Variants in ADORA2B observed in about 807,000 individuals in gnomAD.
ADORA2B encodes adenosine A2b receptor.
A neutral mutation model predicts 20.8 loss-of-function variants in ADORA2B; 18 were observed. That is an observed-to-expected ratio of 0.87 (90% CI 0.60 to 1.29). The LOEUF (loss-of-function observed/expected upper bound fraction) is 1.29, where lower values mean the gene tolerates loss of function less well. Ranked by LOEUF, ADORA2B falls within the 50% of genes most tolerant of loss-of-function variation. The pLI is 0.00. For synonymous variants in ADORA2B, 179 were observed against 178.3 expected (o/e 1.00, Z -0.03); for missense variants, 441 against 422.7 (o/e 1.04, Z -0.38).
At chr17:15,858,009 G>T in the ADORA2B span, among the ~76,000 whole-genome samples, 7 of 141,332 alleles carry the variant, frequency 5.0e-5, no homozygotes, top group African/African-American at 1.8e-4. Context: ...CATTCATCTG[G>T]TGGTGGACAC....
At chr17:15,944,520 C>T (rs998400744), upstream of ADORA2B, among the ~76,000 whole-genome samples, 7 of 152,116 alleles carry the variant, frequency 4.6e-5, no homozygotes, top group African/African-American at 1.7e-4. The surrounding 1 kb of genome is among the most constrained non-coding windows in gnomAD (Gnocchi z 4.8). Flanking sequence ...GGGGCAGTGG[C>T]GCGGGCGAGG....
the ADORA2B span, among the ~76,000 whole-genome samples, chr17:15,928,665 C>G: frequency 1.3e-5 from 2 of 152,156 alleles, no homozygotes; most frequent in Non-Finnish European, 2.9e-5. Context: ...AGTGACAAGT[C>G]TCAGCCTTGG....
In ADORA2B at chr17:15,975,455, T is replaced by C; in HGVS notation, c.*113T>C. ...ACCTCACAAGGAAATGGACTGCCTC[T>C]CTTGAGCACTTCCCTGGAGCTACCA... On this transcript the variant is annotated 3_prime_UTR_variant, in exon 2 of 2. Coordinates refer to ENST00000304222, the MANE Select transcript of ADORA2B (RefSeq NM_000676.4). 1 of 1,104,074 alleles carries C rather than the reference T, an allele frequency of 9.1e-7. No homozygotes were observed. Among genetic ancestry groups the C allele is most frequent in the Non-Finnish European group, 1.3e-6 (1 of 774,536 alleles). 68.4% of individuals were successfully genotyped at this position (1,104,074 alleles called of 1,614,324 possible).
chr17:15,936,499 T>A, the ADORA2B span, among the ~76,000 whole-genome samples: 2 of 151,938 alleles, frequency 1.3e-5, no homozygotes, highest in Non-Finnish European at 2.9e-5. Flanking sequence ...TGTATTTTTT[T>A]AGTAAAGACA....
chr17:15,871,365 A>G, the ADORA2B span, among the ~76,000 whole-genome samples: 1 of 152,176 alleles, frequency 6.6e-6, no homozygotes, highest in Admixed American at 6.5e-5. Context: ...AAACTGAGTA[A>G]GATCACCTTA....
chr17:15,880,640 T>C, the ADORA2B span, among the ~76,000 whole-genome samples: 46,015 of 146,042 alleles, frequency 0.32, 8,040 homozygotes, highest in African/African-American at 0.45. Context: ...GTGAGGGCGG[T>C]GAGAAACCAG....
chr17:15,898,798 A>T, the ADORA2B span, among the ~76,000 whole-genome samples: 1 of 152,212 alleles, frequency 6.6e-6, no homozygotes, highest in African/African-American at 2.4e-5. Context: ...GTCTGTGAGG[A>T]GCTGCTGACA....
the ADORA2B span, among the ~76,000 whole-genome samples, chr17:15,869,502 T>C: frequency 0.92 from 139,469 of 152,120 alleles, 63,950 homozygotes; most frequent in Middle Eastern, 0.97. Context: ...TTATGACCTA[T>C]AATTTGGAGG....
the ADORA2B span, among the ~76,000 whole-genome samples, chr17:15,879,439 T>G: frequency 6.6e-6 from 1 of 151,674 alleles, no homozygotes; most frequent in South Asian, 2.1e-4. Flanking sequence ...GGCAACAGAG[T>G]GAGTCCCTGA....
the ADORA2B span, among the ~76,000 whole-genome samples, chr17:15,938,447 C>G: frequency 6.6e-5 from 10 of 151,906 alleles, no homozygotes; most frequent in Non-Finnish European, 1.2e-4. Flanking sequence ...GGACTACAGG[C>G]GCCCGCCACC....
chr17:15,921,016 T>C, the ADORA2B span, among the ~76,000 whole-genome samples: 1 of 152,220 alleles, frequency 6.6e-6, no homozygotes, highest in African/African-American at 2.4e-5. Context: ...AAACCAATGT[T>C]TGAGTCCAAG....
chr17:15,974,372 CCCA>C (rs1210566827), intron 1 of ADORA2B: 3 of 282,072 alleles, frequency 1.1e-5, no homozygotes, highest in Non-Finnish European at 1.3e-5. Context: ...AGTTTGAGAA[CCCA>C]CCGAGGACAT....
At chr17:15,862,503 G>T in the ADORA2B span, among the ~76,000 whole-genome samples, 16 of 152,158 alleles carry the variant, frequency 1.1e-4, no homozygotes, top group African/African-American at 3.6e-4. Context: ...GAGCCTCCAT[G>T]CCTGGCCAAC....
chr17:15,922,507 TG>T, the ADORA2B span, among the ~76,000 whole-genome samples: 3 of 152,162 alleles, frequency 2.0e-5, no homozygotes, highest in Admixed American at 6.5e-5. Flanking sequence ...CCATCCAGAT[TG>T]GGACATTTTC....
chr17:15,864,950 A>C, the ADORA2B span, among the ~76,000 whole-genome samples: 10,038 of 151,078 alleles, frequency 0.066, 412 homozygotes, highest in Non-Finnish European at 0.091. Flanking sequence ...GTGGGAATGC[A>C]TGAAAGAATG....
the ADORA2B span, among the ~76,000 whole-genome samples, chr17:15,900,570 C>A: frequency 1.6e-4 from 25 of 151,794 alleles, no homozygotes; most frequent in Non-Finnish European, 5.9e-5. Context: ...CCTCAGCCTC[C>A]CAAGTAGCTA....
chr17:15,887,800 AATT>A, the ADORA2B span, among the ~76,000 whole-genome samples: 1 of 123,514 alleles, frequency 8.1e-6, no homozygotes, highest in African/African-American at 3.5e-5. Flanking sequence ...AAATAAAAAA[AATT>A]AGCCAGGTTT....
chr17:15,962,059 T>C (rs1329525982), intron 1 of ADORA2B, among the ~76,000 whole-genome samples: 1 of 152,138 alleles, frequency 6.6e-6, no homozygotes, highest in Non-Finnish European at 1.5e-5. Context: ...TCCCAGCACT[T>C]TGGGAGGCCA....
chr17:15,945,602 C>A lies in ADORA2B; in HGVS notation c.335+19C>A. ...CGCTCAGGTGAGGCGCTCGGCGTCG[C>A]CCGAACTCGGGGCCCCGTCGGAGCT... On this transcript the variant is annotated intron_variant, in intron 1 of 1. Transcript: ENST00000304222. 6.9e-7 allele frequency: 1 copy of A among 1,459,628 alleles called. No individual in the cohort carries two copies. Among genetic ancestry groups the A allele is most frequent in the Non-Finnish European group, 9.0e-7 (1 of 1,109,478 alleles). The allele number at this position is 1,459,628 out of a possible 1,614,324, so 90.4% of individuals were successfully genotyped here.
Sources: allele counts gnomAD v4.1 joint callset (sites outside exome capture counted in the v4.1 genomes callset), GRCh38; gene constraint gnomAD v4.1.1; non-coding constraint Gnocchi (gnomAD v3.1); transcripts MANE v1.5; gene names NCBI Gene and HGNC (gene_info 2026-07-23, HGNC 2026-07-21).